Variants in TTI1 observed in about 807,000 individuals in gnomAD.
TTI1 encodes TELO2-interacting protein 1 homolog.
In TTI1, 52 loss-of-function variants were observed where a neutral mutation model predicts 85.4. That is an observed-to-expected ratio of 0.61 (90% CI 0.49 to 0.77). The LOEUF is 0.77. TTI1 is among the 30% of genes least tolerant of loss of function. The pLI is 0.00. For missense variants in TTI1, 1,173 were observed against 1,296.0 expected (o/e 0.91, Z 1.46); for synonymous variants, 512 against 503.9 (o/e 1.02, Z -0.22).
intron 7 of TTI1, among the ~76,000 whole-genome samples, chr20:37,985,881 G>A (rs938814569): frequency 6.6e-6 from 1 of 152,042 alleles, no homozygotes; most frequent in African/African-American, 2.4e-5. Context: ...TTCTTTGCTA[G>A]GATAATCTTG....
chr20:38,024,079 G>T (rs2122641827), intron 1 of TTI1, among the ~76,000 whole-genome samples: 1 of 152,232 alleles, frequency 6.6e-6, no homozygotes, highest in Non-Finnish European at 1.5e-5. Context: ...CACTAGACAG[G>T]ACCTTTTTTG....
At chr20:37,991,608 T>C (rs928266722) in intron 7 of TTI1, among the ~76,000 whole-genome samples, 1 of 152,200 alleles carries the variant, frequency 6.6e-6, no homozygotes, top group Non-Finnish European at 1.5e-5. Context: ...AAAAAGATCC[T>C]TTTGAGGTGA....
rs758478402 is a variant in TTI1, at chr20:38,013,178, G to A, written c.639C>T (p.Ile213=). Residue 213 remains isoleucine (I), a synonymous_variant, in exon 2 of 8, where the codon ATC becomes ATT. Transcript: ENST00000373447. The part of the protein sequence containing the change: ...GDLFASFLPG[I]STALTRLITG... Reference sequence around the variant, plus strand: ...TGATAAGCCTGGTCAGTGCAGTTGAGATTCCAGGTAAAAAAGAGGCAAACA... The same window carrying A: ...TGATAAGCCTGGTCAGTGCAGTTGAAATTCCAGGTAAAAAAGAGGCAAACA... 1.9e-6 allele frequency: 3 copies of A among 1,614,170 alleles called. No homozygotes were observed. Among genetic ancestry groups the A allele is most frequent in the South Asian group, 1.1e-5 (1 of 91,074 alleles).
chr20:37,996,457 C>T lies in TTI1; in HGVS notation c.3004G>A (p.Gly1002Ser). The T allele has an allele frequency of 6.2e-7, 1 of 1,613,682 alleles. No individual in the cohort carries two copies. Among genetic ancestry groups the T allele is most frequent in the Non-Finnish European group, 8.5e-7 (1 of 1,179,998 alleles). The change falls in exon 7 of 8, where the codon GGT (glycine) becomes AGT (serine). Residue 1002 changes from glycine to serine, a missense_variant. Coordinates refer to ENST00000373447, the MANE Select transcript of TTI1 (RefSeq NM_001303457.2). ...PLCERLDLGE[G>S]DLNKVADACL... The stretch of plus-strand genomic sequence containing the variant: ...GCATCAGCCACTTTATTCAGGTCAC[C>T]CTCACCTGCAGAAAAGAAAAACAAA...
At chr20:38,022,990 C>T (rs1022195485) in intron 1 of TTI1, among the ~76,000 whole-genome samples, 2 of 152,134 alleles carry the variant, frequency 1.3e-5, no homozygotes, top group Admixed American at 1.3e-4. Context: ...CTTTGAATAA[C>T]TAGCCTATGG....
chr20:38,012,589 G>A lies in TTI1; in HGVS notation c.1228C>T (p.Leu410Phe), dbSNP rs1600638800. ...TLSLLLGYLK[L>F]LGPKINFVLN... ...ACAAAGTTTATTTTTGGGCCCAAGA[G>A]TTTCAGATAACCAAGTAACAAGGAA... is the stretch of plus-strand genomic sequence containing the variant. The change falls in exon 2 of 8, where the codon CTC (leucine) becomes TTC (phenylalanine). Residue 410 changes from leucine (L) to phenylalanine (F), a missense_variant. Transcript: ENST00000373447. 6.2e-7 allele frequency: 1 copy of A among 1,614,154 alleles called. No individual in the cohort carries two copies. Among genetic ancestry groups the A allele is most frequent in the Non-Finnish European group, 8.5e-7 (1 of 1,180,028 alleles).
chr20:38,027,600 A>C (rs1169672466), intron 1 of TTI1, among the ~76,000 whole-genome samples: 1 of 152,188 alleles, frequency 6.6e-6, no homozygotes, highest in East Asian at 1.9e-4. Context: ...TGTTCTTACA[A>C]TAAAACAAGC....
At chr20:38,010,803 A>G (rs1398997677) in intron 2 of TTI1, among the ~76,000 whole-genome samples, 2 of 152,168 alleles carry the variant, frequency 1.3e-5, no homozygotes, top group South Asian at 2.1e-4. Flanking sequence ...AGTGGCTAAC[A>G]TCTTCGGTAA....
At chr20:38,005,486 T>G (rs2073482926) in intron 3 of TTI1, among the ~76,000 whole-genome samples, 1 of 151,444 alleles carries the variant, frequency 6.6e-6, no homozygotes. Context: ...AAATAGACAA[T>G]GGGAATAAGG....
At chr20:38,008,841 A>C (rs2073538738) in intron 2 of TTI1, among the ~76,000 whole-genome samples, 1 of 152,228 alleles carries the variant, frequency 6.6e-6, no homozygotes, top group Non-Finnish European at 1.5e-5. Context: ...CCTGTTCAAA[A>C]AGTGAGTGTA....
At chr20:38,031,472 G>T (rs1163743430) in intron 1 of TTI1, among the ~76,000 whole-genome samples, 1 of 152,146 alleles carries the variant, frequency 6.6e-6, no homozygotes, top group African/African-American at 2.4e-5. Flanking sequence ...TATCAATGAG[G>T]CCTTCTCTGA....
rs2073346258 is a variant in TTI1, at chr20:37,996,729, T to C, written c.2998+20A>G. ...CAGATGCTAAGTGTGTGTGTTCAGGTGGAACTGCCTGGTACCCACCTAGGT... is the reference window on the plus strand; with the variant it reads ...CAGATGCTAAGTGTGTGTGTTCAGGCGGAACTGCCTGGTACCCACCTAGGT... On this transcript the variant is annotated intron_variant, in intron 6 of 7. Transcript: ENST00000373447. 6.3e-7 allele frequency: 1 copy of C among 1,588,990 alleles called. No homozygotes were observed. The highest frequency in any genetic ancestry group is 1.3e-5 in the African/African-American group (1 of 74,478).
At chr20:38,018,749 A>G (rs2073719818) in intron 1 of TTI1, among the ~76,000 whole-genome samples, 1 of 152,148 alleles carries the variant, frequency 6.6e-6, no homozygotes, top group Non-Finnish European at 1.5e-5. Context: ...AGTCAATAGA[A>G]TGCTATCTAA....
Position 38,012,032 on chromosome 20 carries a change from G to C in TTI1, c.1785C>G (p.Ile595Met). The change falls in exon 2 of 8, where the codon ATC becomes ATG. Residue 595 changes from isoleucine (I) to methionine (M), a missense_variant. By Grantham distance (10) the Ile-to-Met change is conservative. Coordinates refer to ENST00000373447, the MANE Select transcript of TTI1 (RefSeq NM_001303457.2). ...CTTGGCAGGTGTGTTCACCAGACGT[G>C]ATGGCTTGGAGGCCTGGGTGCTCCA... ...LMMEHPGLQA[I>M]TSGEHTCQVT... is the part of the protein sequence containing the mutation. 6.2e-7 allele frequency: 1 copy of C among 1,614,228 alleles called. No individual in the cohort carries two copies. The highest frequency in any genetic ancestry group is 1.1e-5 in the South Asian group (1 of 91,080).
At chr20:38,024,939 CT>C in intron 1 of TTI1, among the ~76,000 whole-genome samples, 1 of 152,316 alleles carries the variant, frequency 6.6e-6, no homozygotes, top group African/African-American at 2.4e-5. Context: ...GCCACCTCCA[CT>C]CCAATGTCAG....
rs183030991 is a variant in TTI1 at position 38,031,900 on chromosome 20, A to T, written c.-42+1504T>A. On this transcript the variant is annotated intron_variant, in intron 1 of 7. Transcript: ENST00000373447. ...TAAGACTGATGTAAGAATTAAATTT[A>T]AAAAGTATGTAATGTGCTTAATAGA... Among the ~76,000 whole-genome samples, 1,372 of 152,334 alleles carry T rather than the reference A, an allele frequency of 9.0e-3. 22 individuals carry two copies. Among genetic ancestry groups the T allele is most frequent in the African/African-American group, 0.032 (1,312 of 41,568 alleles).
At chr20:38,008,040 A>C (rs1292059430) in intron 2 of TTI1, among the ~76,000 whole-genome samples, 4 of 152,266 alleles carry the variant, frequency 2.6e-5, no homozygotes, top group Admixed American at 1.3e-4. Context: ...ATATGAAAAG[A>C]AGCTCAATCT....
At chr20:38,005,235 C>T (rs959485251) in intron 3 of TTI1, among the ~76,000 whole-genome samples, 5 of 152,110 alleles carry the variant, frequency 3.3e-5, no homozygotes, top group African/African-American at 9.7e-5. Flanking sequence ...ATTTGGGACT[C>T]GGTTCGATTT....
intron 7 of TTI1, among the ~76,000 whole-genome samples, chr20:37,994,861 CAA>C (rs141472547): frequency 1.3e-5 from 2 of 151,670 alleles, no homozygotes; most frequent in African/African-American, 4.8e-5. Flanking sequence ...CTTTCAGCAG[CAA>C]AAAAGAGAAC....
Sources: gnomAD v4.1 joint callset for allele counts (sites outside exome capture counted in the v4.1 genomes callset) on GRCh38, gnomAD v4.1.1 for gene constraint, MANE v1.5 for transcripts, NCBI Gene and HGNC (gene_info 2026-07-23, HGNC 2026-07-21) for gene names.